MAPKAP1: variants seen among roughly 807,000 people sequenced by gnomAD.
MAPKAP1 encodes the protein target of rapamycin complex 2 subunit MAPKAP1.
MAPKAP1 carries 20 observed loss-of-function variants against 65.7 expected under a neutral mutation model. The ratio of observed to expected loss-of-function variants is 0.30; its 90% CI spans 0.21 to 0.44. MAPKAP1 has a LOEUF of 0.44. MAPKAP1 is among the 20% of genes least tolerant of loss of function. MAPKAP1 has a pLI of 1.00. For missense variants in MAPKAP1, 423 were observed against 648.0 expected (o/e 0.65, Z 3.77); for synonymous variants, 222 against 244.3 (o/e 0.91, Z 0.85).
In MAPKAP1 at chr9:125,698,196, T is replaced by C. The variant is rs1037234202; in HGVS notation, c.-70+8775A>G. Reference sequence around the variant, plus strand: ...AAAAGTATATATATATACACACACATATGTGTATATATATGTGTGTGTATA... The same window carrying C: ...AAAAGTATATATATATACACACACACATGTGTATATATATGTGTGTGTATA... On this transcript the variant is annotated intron_variant, in intron 1 of 11. Coordinates refer to ENST00000265960, the MANE Select transcript of MAPKAP1 (RefSeq NM_001006617.3). 4.9e-5 allele frequency among the ~76,000 whole-genome samples: 7 copies of C among 141,578 alleles called. No homozygotes were observed. The Admixed American group carries it at 5.8e-4, about 12-fold the overall frequency. The allele number at this position is 141,578 out of a possible 152,430, so 92.9% of individuals were successfully genotyped here.
At chr9:125,507,018 AT>A (rs926139802) in intron 7 of MAPKAP1, among the ~76,000 whole-genome samples, 28 of 152,372 alleles carry the variant, frequency 1.8e-4, no homozygotes, top group Admixed American at 3.3e-4. Flanking sequence ...AATTAAAAAA[AT>A]CTCAGATTTC....
At chr9:125,454,011 C>G (rs1172981907) in intron 10 of MAPKAP1, among the ~76,000 whole-genome samples, 1 of 152,204 alleles carries the variant, frequency 6.6e-6, no homozygotes, top group Admixed American at 6.5e-5. Flanking sequence ...ATTTGAATAA[C>G]CATAGTTTGT....
At chr9:125,653,801 T>C (rs1175115340) in intron 4 of MAPKAP1, among the ~76,000 whole-genome samples, 3 of 152,214 alleles carry the variant, frequency 2.0e-5, no homozygotes, top group Admixed American at 2.0e-4. Flanking sequence ...TCCTATTTGA[T>C]GGTCTCATGA....
At chr9:125,582,266 T>C (rs1216493785) in intron 5 of MAPKAP1, among the ~76,000 whole-genome samples, 2 of 152,262 alleles carry the variant, frequency 1.3e-5, no homozygotes, top group Non-Finnish European at 2.9e-5. Context: ...GAAACATGAA[T>C]GTTATTCCTT....
intron 4 of MAPKAP1, among the ~76,000 whole-genome samples, chr9:125,618,937 G>C (rs1304898277): frequency 3.9e-5 from 6 of 152,148 alleles, no homozygotes; most frequent in Non-Finnish European, 8.8e-5. Flanking sequence ...TTTGAGATCA[G>C]CCTGGACAAC....
chr9:125,465,393 TA>T (rs1853634998), intron 10 of MAPKAP1, among the ~76,000 whole-genome samples: 1 of 152,234 alleles, frequency 6.6e-6, no homozygotes, highest in African/African-American at 2.4e-5. Context: ...GGGTTACCAT[TA>T]ATCCTTTAAA....
chr9:125,610,880 T>C (rs777926710), intron 4 of MAPKAP1, among the ~76,000 whole-genome samples: 14 of 152,140 alleles, frequency 9.2e-5, no homozygotes, highest in African/African-American at 1.2e-4. Context: ...ACAGAAAAAT[T>C]TGCAAGAAAT....
chr9:125,561,867 A>G (rs543082598), intron 5 of MAPKAP1, among the ~76,000 whole-genome samples: 1 of 152,356 alleles, frequency 6.6e-6, no homozygotes, highest in East Asian at 1.9e-4. Context: ...TTATAGTTGC[A>G]CCAATCCTTA....
intron 4 of MAPKAP1, among the ~76,000 whole-genome samples, chr9:125,608,362 A>G (rs1022952447): frequency 1.3e-5 from 2 of 152,192 alleles, no homozygotes; most frequent in Non-Finnish European, 2.9e-5. Flanking sequence ...TGAACAAGCC[A>G]TCATAGCAAG....
intron 8 of MAPKAP1, among the ~76,000 whole-genome samples, chr9:125,495,447 C>G (rs1316350816): frequency 6.6e-6 from 1 of 152,188 alleles, no homozygotes; most frequent in Non-Finnish European, 1.5e-5. Context: ...CCTTACTGCT[C>G]TAATGTACCA....
chr9:125,506,384 G>A lies in MAPKAP1; in HGVS notation c.992C>T (p.Pro331Leu). 6.2e-7 allele frequency: 1 copy of A among 1,614,118 alleles called. No individual in the cohort carries two copies. Among genetic ancestry groups the A allele is most frequent in the South Asian group, 1.1e-5 (1 of 91,084 alleles). Residue 331 changes from proline to leucine, a missense_variant, in exon 8 of 12, where the codon CCC becomes CTC. Pro to Leu is a moderately conservative substitution (Grantham distance 98). Coordinates refer to ENST00000265960, the MANE Select transcript of MAPKAP1 (RefSeq NM_001006617.3). The stretch of plus-strand genomic sequence containing the variant: ...GCTGTCCAGGTCAACGGCGACATTG[G>A]GCTCGCTCTGCTTCTCCAGGCGGTA... Reference protein sequence around the residue: ...PQYRLEKQSEPNVAVDLDSTL... With the variant: ...PQYRLEKQSELNVAVDLDSTL...
chr9:125,550,420 T>C (rs1223324690), intron 6 of MAPKAP1, among the ~76,000 whole-genome samples: 1 of 152,198 alleles, frequency 6.6e-6, no homozygotes, highest in East Asian at 1.9e-4. Flanking sequence ...CTCCCCGACT[T>C]TGAAGACACA....
intron 10 of MAPKAP1, among the ~76,000 whole-genome samples, chr9:125,445,093 T>A (rs1852657333): frequency 6.6e-6 from 1 of 151,000 alleles, no homozygotes; most frequent in Non-Finnish European, 1.5e-5. Flanking sequence ...TAGACCCTGC[T>A]GGAAGCTGCT....
At chr9:125,544,958 A>G (rs948395075) in intron 6 of MAPKAP1, among the ~76,000 whole-genome samples, 1 of 151,952 alleles carries the variant, frequency 6.6e-6, no homozygotes, top group Non-Finnish European at 1.5e-5. Context: ...CATCTCCACA[A>G]CCCTCCTCTC....
chr9:125,641,035 T>C (rs1200823299), intron 4 of MAPKAP1, among the ~76,000 whole-genome samples: 1 of 152,202 alleles, frequency 6.6e-6, no homozygotes, highest in Non-Finnish European at 1.5e-5. Context: ...AGTTGTTTAA[T>C]CTCTATCAGA....
At chr9:125,568,209 G>A (rs1316348918) in intron 5 of MAPKAP1, among the ~76,000 whole-genome samples, 2 of 152,132 alleles carry the variant, frequency 1.3e-5, no homozygotes, top group Non-Finnish European at 2.9e-5. Flanking sequence ...GGCCCCTCTC[G>A]GTAAAGTCCT....
chr9:125,631,439 G>A (rs1833276537), intron 4 of MAPKAP1, among the ~76,000 whole-genome samples: 1 of 152,134 alleles, frequency 6.6e-6, no homozygotes, highest in African/African-American at 2.4e-5. Context: ...ATCTTCTCTG[G>A]ATGGATTCTG....
At chr9:125,691,473 C>T (rs1835169331) in intron 1 of MAPKAP1, among the ~76,000 whole-genome samples, 1 of 152,044 alleles carries the variant, frequency 6.6e-6, no homozygotes, top group Admixed American at 6.6e-5. Flanking sequence ...ATGGATTACC[C>T]AAATAGAGAT....
At chr9:125,548,187 C>A (rs1432751178) in intron 6 of MAPKAP1, among the ~76,000 whole-genome samples, 1 of 152,172 alleles carries the variant, frequency 6.6e-6, no homozygotes, top group Non-Finnish European at 1.5e-5. Flanking sequence ...TATTAAAAAT[C>A]CTGTTTTGGA....
Sources: allele counts gnomAD v4.1 joint callset (sites outside exome capture counted in the v4.1 genomes callset), GRCh38; gene constraint gnomAD v4.1.1; transcripts MANE v1.5; gene names NCBI Gene and HGNC (gene_info 2026-07-23, HGNC 2026-07-21).